The following PELI2 variants were observed in gnomAD, a reference collection of about 807,000 sequenced individuals.
The protein encoded by PELI2 is pellino E3 ubiquitin protein ligase family member 2.
A neutral mutation model predicts 42.3 loss-of-function variants in PELI2; 23 were observed. The observed-to-expected ratio is 0.54, with a 90% CI of 0.39 to 0.77. PELI2 has a LOEUF of 0.77. Ranked by LOEUF, PELI2 falls within the 30% of genes least tolerant of loss-of-function variation. PELI2 has a pLI of 0.00. For synonymous variants in PELI2, 245 were observed against 212.2 expected, an observed-to-expected ratio of 1.15 and a Z score of -1.34; for missense variants, 463 against 553.2, an observed-to-expected ratio of 0.84 and a Z score of 1.64.
At chr14:56,279,869 C>A in intron 3 of PELI2, 92 bp downstream of exon 3, 1 of 560,272 alleles carries the variant, frequency 1.8e-6, no homozygotes, top group Non-Finnish European at 3.1e-6. Context: ...CCCAGTATGT[C>A]CAGGGGGAAA....
chr14:56,189,923 C>G (rs1263125976), intron 2 of PELI2, among the ~76,000 whole-genome samples: 1 of 152,186 alleles, frequency 6.6e-6, no homozygotes, highest in East Asian at 1.9e-4. Flanking sequence ...CCTTTCGTCA[C>G]AGGAGAATGT....
In PELI2 at chr14:56,297,998, G is replaced by A. The variant is rs545737052; in HGVS notation, c.*832G>A. 2 of 152,098 alleles carry A rather than the reference G, an allele frequency of 1.3e-5. No individual in the cohort carries two copies. Among genetic ancestry groups the A allele is most frequent in the Non-Finnish European group, 2.9e-5 (2 of 68,006 alleles). 9.4% of individuals were successfully genotyped at this position (152,098 alleles called of 1,614,324 possible). A position where few individuals can be genotyped will look rare whatever the true frequency, so the allele number is the denominator to read the frequency against. On this transcript the variant is annotated 3_prime_UTR_variant, in exon 6 of 6. Coordinates refer to ENST00000267460, the MANE Select transcript of PELI2 (RefSeq NM_021255.3). ...GTAATTACAGTAGTAGACATGGTCTGGGTACTATACTACCATGTTTATTTG... is the reference window on the plus strand; with the variant it reads ...GTAATTACAGTAGTAGACATGGTCTAGGTACTATACTACCATGTTTATTTG...
intron 2 of PELI2, among the ~76,000 whole-genome samples, chr14:56,240,982 C>T (rs1465036554): frequency 6.6e-6 from 1 of 152,070 alleles, no homozygotes; most frequent in Non-Finnish European, 1.5e-5. Flanking sequence ...AAAGCAAGAA[C>T]CCATGGGGAT....
chr14:56,140,649 G>A (rs1883872284), intron 1 of PELI2, among the ~76,000 whole-genome samples: 1 of 152,162 alleles, frequency 6.6e-6, no homozygotes, highest in Non-Finnish European at 1.5e-5. Context: ...TTCTCCTTAT[G>A]GAATAACGGC....
At chr14:56,251,441 G>A (rs1038641518) in intron 2 of PELI2, among the ~76,000 whole-genome samples, 8 of 152,206 alleles carry the variant, frequency 5.3e-5, no homozygotes, top group African/African-American at 1.9e-4. Context: ...GTTCTAGTAC[G>A]CGAAGCTTAA....
At chr14:56,156,546 G>A (rs1449986046) in intron 1 of PELI2, among the ~76,000 whole-genome samples, 1 of 152,152 alleles carries the variant, frequency 6.6e-6, no homozygotes, top group Non-Finnish European at 1.5e-5. Context: ...CTGATTGGCT[G>A]TGTGACCTTG....
chr14:56,126,726 T>C (rs1883283768), intron 1 of PELI2, among the ~76,000 whole-genome samples: 1 of 152,162 alleles, frequency 6.6e-6, no homozygotes, highest in Admixed American at 6.5e-5. Context: ...TCTGGACTGA[T>C]GATTGATTGA....
intron 2 of PELI2, among the ~76,000 whole-genome samples, chr14:56,260,428 G>T (rs914843102): frequency 6.6e-6 from 1 of 152,136 alleles, no homozygotes; most frequent in African/African-American, 2.4e-5. Context: ...AGAAAAGACA[G>T]CTATAGTGAC....
chr14:56,179,509 G>T (rs1326591910), intron 2 of PELI2, among the ~76,000 whole-genome samples: 1 of 152,126 alleles, frequency 6.6e-6, no homozygotes, highest in African/African-American at 2.4e-5. Context: ...GTATTAATGA[G>T]GGATGAGTAG....
intron 2 of PELI2, among the ~76,000 whole-genome samples, chr14:56,246,909 C>G (rs1466604771): frequency 6.6e-6 from 1 of 152,148 alleles, no homozygotes; most frequent in Non-Finnish European, 1.5e-5. Flanking sequence ...TCTGAAAAAC[C>G]TTTAAACTAT....
rs539146939 is a variant in PELI2, at chr14:56,185,162, G to A, written c.207+6698G>A. Among the ~76,000 whole-genome samples, 20 of 152,124 alleles carry A rather than the reference G, an allele frequency of 1.3e-4. No individual in the cohort carries two copies. The South Asian group carries it at 4.1e-3, about 32-fold the overall frequency. On this transcript the variant is annotated intron_variant, in intron 2 of 5. Transcript: ENST00000267460. ...ATTATCCTATTATATGTTTTACATA[G>A]AGTGAGTTTTAGATCAAGAATTGGC...
intron 2 of PELI2, among the ~76,000 whole-genome samples, chr14:56,242,236 C>G (rs1887999960): frequency 6.6e-6 from 1 of 152,110 alleles, no homozygotes; most frequent in Non-Finnish European, 1.5e-5. Flanking sequence ...AGTTATAATT[C>G]CAAGAGAAAC....
chr14:56,235,484 ATCTT>A (rs1158182591), intron 2 of PELI2, among the ~76,000 whole-genome samples: 1 of 152,198 alleles, frequency 6.6e-6, no homozygotes, highest in Admixed American at 6.5e-5. Flanking sequence ...AACGGGTGGC[ATCTT>A]TCTTTGTTGC....
intron 1 of PELI2, among the ~76,000 whole-genome samples, chr14:56,174,568 C>T (rs1463549036): frequency 1.3e-5 from 2 of 152,122 alleles, no homozygotes; most frequent in African/African-American, 4.8e-5. Flanking sequence ...GGTTGGATTT[C>T]CCCCTTGCTG....
intron 2 of PELI2, among the ~76,000 whole-genome samples, chr14:56,267,889 C>G (rs1303382030): frequency 2.6e-5 from 4 of 152,162 alleles, no homozygotes; most frequent in Non-Finnish European, 4.4e-5. Flanking sequence ...AAGTTTCAAT[C>G]TTTATATTCC....
At chr14:56,216,388 G>A (rs966273924) in intron 2 of PELI2, among the ~76,000 whole-genome samples, 1 of 152,232 alleles carries the variant, frequency 6.6e-6, no homozygotes, top group Admixed American at 6.5e-5. Context: ...TATTATTAAA[G>A]TATATTAAAC....
intron 1 of PELI2, among the ~76,000 whole-genome samples, chr14:56,150,879 A>G (rs1043194203): frequency 6.6e-5 from 10 of 152,212 alleles, no homozygotes; most frequent in Admixed American, 1.3e-4. Flanking sequence ...TCTTGGCAGC[A>G]TGGAGTGGCT....
chr14:56,142,717 A>G (rs1354359037), intron 1 of PELI2, among the ~76,000 whole-genome samples: 4 of 152,080 alleles, frequency 2.6e-5, no homozygotes, highest in African/African-American at 9.7e-5. Context: ...GCTATTTATA[A>G]TACTTATTTT....
chr14:56,242,218 A>G (rs1391145723), intron 2 of PELI2, among the ~76,000 whole-genome samples: 1 of 152,252 alleles, frequency 6.6e-6, no homozygotes, highest in African/African-American at 2.4e-5. Context: ...CCAAGAGACT[A>G]TGAACAAAGT....
Sources: allele counts gnomAD v4.1 joint callset (sites outside exome capture counted in the v4.1 genomes callset), GRCh38; gene constraint gnomAD v4.1.1; transcripts MANE v1.5; gene names NCBI Gene and HGNC (gene_info 2026-07-23, HGNC 2026-07-21).